KDM7A: variants seen among roughly 807,000 people sequenced by gnomAD.
KDM7A encodes the protein lysine-specific demethylase 7A.
A neutral mutation model predicts 114.8 loss-of-function variants in KDM7A; 28 were observed. The observed-to-expected ratio is 0.24, with a 90% confidence interval of 0.18 to 0.33. KDM7A has a LOEUF of 0.33. Ranked by LOEUF, KDM7A falls within the 10% of genes least tolerant of loss-of-function variation. The probability of loss-of-function intolerance (pLI) is 1.00; values close to 1 mark genes in which losing one functional copy is unlikely to be tolerated. For synonymous variants in KDM7A, 423 were observed against 397.8 expected, an observed-to-expected ratio of 1.06 and a Z score of -0.75; for missense variants, 942 against 1,142.5, an observed-to-expected ratio of 0.82 and a Z score of 2.53.
At chr7:140,139,059 C>A in intron 2 of KDM7A, 46 bp downstream of exon 2, 1 of 1,243,588 alleles carries the variant, frequency 8.0e-7, no homozygotes, top group South Asian at 1.2e-5. Context: ...TTTGAAATGT[C>A]AGTTTTTCTG....
In KDM7A at chr7:140,101,986, C is replaced by T. The variant is rs1432036689; in HGVS notation, c.1603G>A (p.Val535Ile). 6.2e-7 allele frequency: 1 copy of T among 1,613,684 alleles called. No individual in the cohort carries two copies. Among genetic ancestry groups the T allele is most frequent in the Non-Finnish European group, 8.5e-7 (1 of 1,179,600 alleles). Residue 535 changes from valine to isoleucine, a missense_variant, in exon 12 of 20, where the codon GTC (valine) becomes ATC (isoleucine). Physicochemically the swap from Val to Ile is conservative, Grantham distance 29. Around this residue, in one of 4 missense-constraint regions of KDM7A, gnomAD observed 512 missense variants for 576.6 expected, o/e 0.89. Coordinates refer to ENST00000397560, the MANE Select transcript of KDM7A (RefSeq NM_030647.2). ...LDILELHTRE[V>I]LKRLEMCPWE... ...GGACACATCTCTAATCTTTTGAGGACCTCCCTTGTGTGGAGCTCTAGGATG... is the reference window on the plus strand; with the variant it reads ...GGACACATCTCTAATCTTTTGAGGATCTCCCTTGTGTGGAGCTCTAGGATG...
chr7:140,102,657 A>T (rs986238622), intron 11 of KDM7A, among the ~76,000 whole-genome samples: 1 of 152,150 alleles, frequency 6.6e-6, no homozygotes, highest in African/African-American at 2.4e-5. Flanking sequence ...ACCGGTGTTA[A>T]ATTAGCCACT....
chr7:140,108,811 C>T (rs951752320), intron 11 of KDM7A, among the ~76,000 whole-genome samples: 14 of 152,170 alleles, frequency 9.2e-5, no homozygotes, highest in African/African-American at 1.7e-4. Context: ...CAGACAGGGA[C>T]GTTTAAGTCT....
At chr7:140,150,478 G>A (rs1488112538) in intron 1 of KDM7A, among the ~76,000 whole-genome samples, 1 of 152,316 alleles carries the variant, frequency 6.6e-6, no homozygotes, top group East Asian at 1.9e-4. Context: ...GAATGATGCA[G>A]CTCTGTAAGT....
intron 1 of KDM7A, among the ~76,000 whole-genome samples, chr7:140,154,943 T>C (rs1794442336): frequency 6.6e-6 from 1 of 152,150 alleles, no homozygotes; most frequent in Admixed American, 6.5e-5. Context: ...TTACAATTGG[T>C]ACAAAGTACC....
At chr7:140,100,679 T>TACAC (rs66468911) in intron 12 of KDM7A, among the ~76,000 whole-genome samples, 8 of 63,996 alleles carry the variant, frequency 1.3e-4, no homozygotes, top group Admixed American at 1.8e-4. Context: ...TATATATATA[T>TACAC]ACATATATAC....
At chr7:140,138,635 C>T (rs931508945) in intron 2 of KDM7A, among the ~76,000 whole-genome samples, 1 of 152,180 alleles carries the variant, frequency 6.6e-6, no homozygotes, top group Admixed American at 6.5e-5. Context: ...ATACTCAATA[C>T]AGCAACCAAA....
intron 11 of KDM7A, among the ~76,000 whole-genome samples, chr7:140,109,409 G>A (rs1023759158): frequency 6.6e-6 from 1 of 152,198 alleles, no homozygotes; most frequent in African/African-American, 2.4e-5. Context: ...CTCCCAGTCA[G>A]CATTTCCTTC....
rs1189099626 is a variant in KDM7A, at chr7:140,090,141, TATA to T, written c.*950_*952del. The T allele has an allele frequency of 1.3e-5, 2 of 152,194 alleles. No homozygotes were observed. The highest frequency in any genetic ancestry group is 6.5e-5 in the Admixed American group (1 of 15,278). 9.4% of individuals were successfully genotyped at this position (152,194 alleles called of 1,614,324 possible). On this transcript the variant is annotated 3_prime_UTR_variant, in exon 20 of 20. Coordinates refer to ENST00000397560, the MANE Select transcript of KDM7A (RefSeq NM_030647.2). Reference sequence around the variant, plus strand: ...ATAAACATGACAATTTAACCAAACTTATAATACTTTTCCCACAAGTAGGAAAAA... The same window carrying T: ...ATAAACATGACAATTTAACCAAACTTATACTTTTCCCACAAGTAGGAAAAA...
At position 140,101,966 on chromosome 7, in the gene KDM7A, C is replaced by T; in HGVS notation, c.1623G>A (p.Met541Ile). The T allele has an allele frequency of 6.2e-7, 1 of 1,610,972 alleles. No homozygotes were observed. The highest frequency in any genetic ancestry group is 8.5e-7 in the Non-Finnish European group (1 of 1,177,152). The change falls in exon 12 of 20, where the codon ATG becomes ATA. Residue 541 changes from methionine (M) to isoleucine (I), a missense_variant. This residue lies in a region of KDM7A where 512 missense variants were observed against 576.6 expected (regional missense o/e 0.89). Coordinates refer to ENST00000397560, the MANE Select transcript of KDM7A (RefSeq NM_030647.2). ...HTREVLKRLE[M>I]CPWEEDILSS... ...TAATACTTGCCTCTTCCCATGGACA[C>T]ATCTCTAATCTTTTGAGGACCTCCC... is the stretch of plus-strand genomic sequence containing the variant.
chr7:140,158,578 C>G (rs1357643770), intron 1 of KDM7A, among the ~76,000 whole-genome samples: 1 of 152,098 alleles, frequency 6.6e-6, no homozygotes, highest in Non-Finnish European at 1.5e-5. Flanking sequence ...TACTATTCAT[C>G]CAAGTGGAGA....
At chr7:140,130,855 T>TA (rs1818773701) in intron 3 of KDM7A, among the ~76,000 whole-genome samples, 1 of 140,686 alleles carries the variant, frequency 7.1e-6, no homozygotes, top group Non-Finnish European at 1.6e-5. Flanking sequence ...ATAAGTCTTT[T>TA]TTTTTTTTTT....
intron 1 of KDM7A, among the ~76,000 whole-genome samples, chr7:140,141,323 C>CA (rs1211086087): frequency 6.6e-6 from 1 of 151,966 alleles, no homozygotes; most frequent in Admixed American, 6.6e-5. Context: ...CAAGAATACT[C>CA]AAAGCATTCA....
intron 9 of KDM7A, among the ~76,000 whole-genome samples, chr7:140,115,420 C>T (rs1818510660): frequency 6.6e-6 from 1 of 152,178 alleles, no homozygotes; most frequent in Non-Finnish European, 1.5e-5. Context: ...AAGAAGTAGA[C>T]ATGGGAGACT....
intron 11 of KDM7A, among the ~76,000 whole-genome samples, chr7:140,104,915 T>C (rs1207652487): frequency 6.6e-6 from 1 of 152,206 alleles, no homozygotes; most frequent in East Asian, 1.9e-4. Context: ...ATTCTTCCTA[T>C]CCATGAGCAT....
At chr7:140,165,575 G>A (rs1020085084) in intron 1 of KDM7A, among the ~76,000 whole-genome samples, 6 of 152,082 alleles carry the variant, frequency 3.9e-5, no homozygotes, top group Non-Finnish European at 7.3e-5. Context: ...ACTGCCTGCC[G>A]TCCTGAGCAT....
chr7:140,100,675 TATATACATATATAC>T lies in KDM7A; in HGVS notation c.1639-666_1639-653del, dbSNP rs1322379699. Reference sequence around the variant, plus strand: ...TTTTAAAAAGTTATATATATATATATATATACATATATACATATATATATATATATATACACATA... The same window carrying T: ...TTTTAAAAAGTTATATATATATATATATATATATATATATATATACACATA... On this transcript the variant is annotated intron_variant, in intron 12 of 19. Coordinates refer to ENST00000397560, the MANE Select transcript of KDM7A (RefSeq NM_030647.2). Among the ~76,000 whole-genome samples, 183 of 44,240 alleles carry T rather than the reference TATATACATATATAC, an allele frequency of 4.1e-3. 3 individuals are homozygous for T. The highest frequency in any genetic ancestry group is 0.015 in the African/African-American group (150 of 10,080). The allele number at this position is 44,240 out of a possible 152,430, so 29.0% of individuals were successfully genotyped here.
intron 1 of KDM7A, among the ~76,000 whole-genome samples, chr7:140,173,354 A>T (rs1177431088): frequency 6.6e-6 from 1 of 152,178 alleles, no homozygotes; most frequent in Admixed American, 6.5e-5. Flanking sequence ...GTATGCAGCT[A>T]AAGTTTGACA....
intron 15 of KDM7A, 127 bp downstream of exon 15, chr7:140,097,418 C>G (rs1190635997): frequency 3.5e-6 from 2 of 578,520 alleles, no homozygotes; most frequent in East Asian, 2.8e-5. Context: ...CACAGAAGAC[C>G]CTGTGCTAAT....
Sources: allele counts gnomAD v4.1 joint callset (sites outside exome capture counted in the v4.1 genomes callset), GRCh38; gene constraint gnomAD v4.1.1; regional missense constraint gnomAD v4.1.1; transcripts MANE v1.5; gene names NCBI Gene and HGNC (gene_info 2026-07-23, HGNC 2026-07-21).